Variants in ZNF879 observed in about 807,000 individuals in gnomAD.
ZNF879 encodes the protein zinc finger protein 879.
ZNF879 carries 32 observed loss-of-function variants against 44.3 expected under a neutral mutation model. The observed-to-expected ratio is 0.72, with a 90% CI of 0.54 to 0.97. The LOEUF (loss-of-function observed/expected upper bound fraction) is 0.97, where lower values mean the gene tolerates loss of function less well. ZNF879 is among the 50% of genes least tolerant of loss of function. The pLI is 0.00. For synonymous variants in ZNF879, 234 were observed against 233.2 expected (o/e 1.00, Z -0.03); for missense variants, 621 against 669.7 (o/e 0.93, Z 0.80).
At chr5:179,027,650 C>T in intron 3 of ZNF879, 51 bp downstream of exon 3, 2 of 1,594,070 alleles carry the variant, frequency 1.3e-6, no homozygotes, top group Non-Finnish European at 1.7e-6. Context: ...CACCTTAGCA[C>T]CCTCAGGGGG....
intron 2 of ZNF879, among the ~76,000 whole-genome samples, chr5:179,026,119 T>C (rs1761263401): frequency 6.7e-6 from 1 of 150,014 alleles, no homozygotes; most frequent in African/African-American, 2.4e-5. Context: ...AAGAAAAATA[T>C]GTCTGAAGGA....
chr5:179,027,041 G>A (rs529971221), intron 2 of ZNF879, among the ~76,000 whole-genome samples: 2 of 152,178 alleles, frequency 1.3e-5, no homozygotes, highest in Non-Finnish European at 2.9e-5. Context: ...AGGACTCATA[G>A]AGATGGCCCG....
rs1327560489 is a variant in ZNF879 at position 179,034,618 on chromosome 5, C to T, written c.*978C>T. 3 of 152,234 alleles carry T rather than the reference C, an allele frequency of 2.0e-5. No homozygotes were observed. Among genetic ancestry groups the T allele is most frequent in the Non-Finnish European group, 4.4e-5 (3 of 68,062 alleles). 9.4% of individuals were successfully genotyped at this position (152,234 alleles called of 1,614,324 possible). On this transcript the variant is annotated 3_prime_UTR_variant, in exon 5 of 5. Coordinates refer to ENST00000444149, the MANE Select transcript of ZNF879 (RefSeq NM_001136116.3). ...GCCTTCATCAGACAAGGTTCACTTT[C>T]TCCCCACACTCTAAAGGTCACTGGG...
chr5:179,028,521 TTTTGC>T (rs1581099960), intron 4 of ZNF879, among the ~76,000 whole-genome samples: 1 of 152,234 alleles, frequency 6.6e-6, no homozygotes, highest in East Asian at 1.9e-4. Context: ...TGGAACCATC[TTTTGC>T]TTTGATTTCT....
intron 2 of ZNF879, among the ~76,000 whole-genome samples, chr5:179,026,246 A>G (rs909709235): frequency 6.6e-6 from 1 of 152,228 alleles, no homozygotes; most frequent in African/African-American, 2.4e-5. Context: ...CATAAACTAG[A>G]TCATCTGTAC....
At chr5:179,027,881 G>A in intron 3 of ZNF879, 151 bp from the exon 4 acceptor site, 1 of 746,070 alleles carries the variant, frequency 1.3e-6, no homozygotes, top group African/African-American at 1.8e-5. Flanking sequence ...TTCTTCCTGG[G>A]ACCATCTCCT....
chr5:179,030,169 T>C (rs936417437), intron 4 of ZNF879, among the ~76,000 whole-genome samples: 2 of 152,222 alleles, frequency 1.3e-5, no homozygotes, highest in Admixed American at 6.5e-5. Context: ...TTACCATTTT[T>C]CCCTTATTAC....
At chr5:179,031,784 C>T (rs901889192) in intron 4 of ZNF879, among the ~76,000 whole-genome samples, 2 of 152,194 alleles carry the variant, frequency 1.3e-5, no homozygotes, top group Non-Finnish European at 2.9e-5. Context: ...CTGAGGAGGC[C>T]TAGAGCAGCA....
Position 179,034,273 on chromosome 5 carries a change from T to A in ZNF879, c.*633T>A, listed in dbSNP as rs1324868432. Reference sequence around the variant, plus strand: ...CTGACTACTTGTTCCAAACTCTGAGTCAGATCTAAAGTCACTTTAAGTCAC... The same window carrying A: ...CTGACTACTTGTTCCAAACTCTGAGACAGATCTAAAGTCACTTTAAGTCAC... On this transcript the variant is annotated 3_prime_UTR_variant, in exon 5 of 5. Coordinates refer to ENST00000444149, the MANE Select transcript of ZNF879 (RefSeq NM_001136116.3). The A allele has an allele frequency of 6.7e-6, 1 of 149,456 alleles. No homozygotes were observed. The highest frequency in any genetic ancestry group is 6.6e-5 in the Admixed American group (1 of 15,162). The allele number at this position is 149,456 out of a possible 1,614,324, so 9.3% of individuals were successfully genotyped here. A position where few individuals can be genotyped will look rare whatever the true frequency, so the allele number is the denominator to read the frequency against.
Position 179,032,555 on chromosome 5 carries a change from T to A in ZNF879, c.607T>A (p.Cys203Ser). The change falls in exon 5 of 5, where the codon TGT (cysteine) becomes AGT (serine). Residue 203 changes from cysteine to serine, a missense_variant. Physicochemically the swap from Cys to Ser is moderately radical, Grantham distance 112. Coordinates refer to ENST00000444149, the MANE Select transcript of ZNF879 (RefSeq NM_001136116.3). ...ACTGGGGGTCAACACAGTGCGTAAA[T>A]GTTATAAATGTAATATCTGTGGGAA... Reference protein sequence around the residue: ...KQLGVNTVRKCYKCNICGKIF... With the variant: ...KQLGVNTVRKSYKCNICGKIF... 6.4e-7 allele frequency: 1 copy of A among 1,551,974 alleles called. No homozygotes were observed. Among genetic ancestry groups the A allele is most frequent in the Non-Finnish European group, 8.7e-7 (1 of 1,147,180 alleles).
chr5:179,027,455 G>A lies in ZNF879; in HGVS notation c.34-18G>A. On this transcript the variant is annotated intron_variant, in intron 2 of 4. Transcript: ENST00000444149. ...TGGGGACAGTCCTGGATGAACAGGA[G>A]TGGGTTTGCCATTCCAGGAGTCCGT... 1 of 1,613,434 alleles carries A rather than the reference G, an allele frequency of 6.2e-7. No homozygotes were observed.
At position 179,032,891 on chromosome 5, in the gene ZNF879, C is replaced by G; in HGVS notation, c.943C>G (p.Pro315Ala). Residue 315 changes from proline to alanine, a missense_variant, in exon 5 of 5, where the codon CCC (proline) becomes GCC (alanine). By Grantham distance (27) the Pro-to-Ala change is conservative. Coordinates refer to ENST00000444149, the MANE Select transcript of ZNF879 (RefSeq NM_001136116.3). The stretch of plus-strand genomic sequence containing the variant: ...CCAGCGAATTCACACAGGAGAGAAG[C>G]CCTATAAGTGTAATGAATGTGGGAG... The part of the protein sequence containing the change: ...NHQRIHTGEK[P>A]YKCNECGRAF... 6.4e-7 allele frequency: 1 copy of G among 1,570,762 alleles called. No individual in the cohort carries two copies. The highest frequency in any genetic ancestry group is 8.6e-7 in the Non-Finnish European group (1 of 1,157,826).
chr5:179,028,926 G>A (rs928149343), intron 4 of ZNF879, among the ~76,000 whole-genome samples: 4 of 152,050 alleles, frequency 2.6e-5, no homozygotes, highest in East Asian at 1.9e-4. Context: ...TCACTTTTGC[G>A]TTTCCATTCG....
In ZNF879 at chr5:179,032,702, A is replaced by C; in HGVS notation, c.754A>C (p.Arg252=). Residue 252 remains arginine, a synonymous_variant, in exon 5 of 5, where the codon AGG becomes CGG. Coordinates refer to ENST00000444149, the MANE Select transcript of ZNF879 (RefSeq NM_001136116.3). ...AAGCTCATCCCTAACTCAGCACTTG[A>C]GGGTTCATACAGGAGAGAAACCTTA... ...SQSSSLTQHL[R]VHTGEKPYIC... The C allele has an allele frequency of 1.3e-6, 2 of 1,559,824 alleles. No individual in the cohort carries two copies. The highest frequency in any genetic ancestry group is 1.7e-6 in the Non-Finnish European group (2 of 1,152,006).
chr5:179,028,028 A>G lies in ZNF879; in HGVS notation c.161-4A>G. ...GCTCACGTTTCTTTCTTGTTCATGA[A>G]CAGGGATTCTCTTTTCCAAGCCAAA... is the stretch of plus-strand genomic sequence containing the variant. On this transcript the variant is annotated splice_polypyrimidine_tract_variant and splice_region_variant and intron_variant, in intron 3 of 4. Coordinates refer to ENST00000444149, the MANE Select transcript of ZNF879 (RefSeq NM_001136116.3). The G allele has an allele frequency of 6.4e-7, 1 of 1,551,416 alleles. No homozygotes were observed.
In ZNF879 at chr5:179,033,142, A is replaced by G. The variant is rs1343812652; in HGVS notation, c.1194A>G (p.Lys398=). 6.3e-7 allele frequency: 1 copy of G among 1,588,024 alleles called. No individual in the cohort carries two copies. Among genetic ancestry groups the G allele is most frequent in the Non-Finnish European group, 8.6e-7 (1 of 1,166,910 alleles). Residue 398 remains lysine (K), a synonymous_variant, in exon 5 of 5, where the codon AAA becomes AAG. Coordinates refer to ENST00000444149, the MANE Select transcript of ZNF879 (RefSeq NM_001136116.3). The part of the protein sequence containing the change: ...IIHQRIHTGE[K]PYACKECGKA... ...ATCAGAGAATTCACACTGGTGAGAA[A>G]CCATATGCATGCAAAGAATGTGGGA...
intron 1 of ZNF879, 30 bp from the exon 2 acceptor site, chr5:179,024,940 A>G (rs1761222614): frequency 3.9e-6 from 6 of 1,531,310 alleles, no homozygotes; most frequent in Middle Eastern, 1.8e-4. Context: ...GCTGGATGAA[A>G]AGACCTCACA....
At chr5:179,024,329 T>C (rs2113039384) in intron 1 of ZNF879, 1 of 152,468 alleles carries the variant, frequency 6.6e-6, no homozygotes, top group Middle Eastern at 3.4e-3. Context: ...CTACAGCCAG[T>C]CCTAGAGTGA....
chr5:179,034,631 A>G lies in ZNF879; in HGVS notation c.*991A>G, dbSNP rs1761536008. 6.6e-6 allele frequency: 1 copy of G among 152,192 alleles called. No homozygotes were observed. The highest frequency in any genetic ancestry group is 2.1e-4 in the South Asian group (1 of 4,832). The allele number at this position is 152,192 out of a possible 1,614,324, so 9.4% of individuals were successfully genotyped here. On this transcript the variant is annotated 3_prime_UTR_variant, in exon 5 of 5. Coordinates refer to ENST00000444149, the MANE Select transcript of ZNF879 (RefSeq NM_001136116.3). Reference sequence around the variant, plus strand: ...AAGGTTCACTTTCTCCCCACACTCTAAAGGTCACTGGGCAAATATTTAGGC... The same window carrying G: ...AAGGTTCACTTTCTCCCCACACTCTGAAGGTCACTGGGCAAATATTTAGGC...
Sources: allele counts gnomAD v4.1 joint callset (sites outside exome capture counted in the v4.1 genomes callset), GRCh38; gene constraint gnomAD v4.1.1; transcripts MANE v1.5; gene names NCBI Gene and HGNC (gene_info 2026-07-23, HGNC 2026-07-21).